Variants in TMEM154 observed in about 807,000 individuals in gnomAD.
TMEM154 encodes the protein transmembrane protein 154.
In TMEM154, 27 loss-of-function variants were observed where a neutral mutation model predicts 24.5. The ratio of observed to expected loss-of-function variants is 1.10; its 90% CI spans 0.81 to 1.52. The LOEUF (loss-of-function observed/expected upper bound fraction) is 1.52. Among genes scored for constraint, TMEM154 ranks in the 40% most tolerant of loss-of-function variants. The probability of loss-of-function intolerance (pLI) is 0.00; values close to 1 mark genes in which losing one functional copy is unlikely to be tolerated. For synonymous variants in TMEM154, 67 were observed against 76.8 expected (o/e 0.87, Z 0.67); for missense variants, 228 against 213.4 (o/e 1.07, Z -0.43).
intron 1 of TMEM154, chr4:152,668,341 A>G (rs903516949): frequency 4.6e-5 from 7 of 152,166 alleles, no homozygotes; most frequent in Admixed American, 3.9e-4. Flanking sequence ...GCCAAACTGA[A>G]TACTTTCCCA....
At chr4:152,665,781 G>T (rs1258065710) in intron 1 of TMEM154, among the ~76,000 whole-genome samples, 1 of 142,660 alleles carries the variant, frequency 7.0e-6, no homozygotes, top group East Asian at 2.0e-4. Context: ...GGGGGCCCAA[G>T]AATTTGCTTT....
intron 1 of TMEM154, among the ~76,000 whole-genome samples, chr4:152,677,127 C>CT (rs1728964709): frequency 6.6e-6 from 1 of 152,166 alleles, no homozygotes; most frequent in African/African-American, 2.4e-5. Flanking sequence ...CCAAGCTTTC[C>CT]TTTAACTATG....
intron 3 of TMEM154, chr4:152,647,247 C>T (rs1172520597): frequency 2.0e-6 from 2 of 985,008 alleles, no homozygotes; most frequent in African/African-American, 3.5e-5. Context: ...GTGCAGGTGT[C>T]CATGCTCTCC....
intron 1 of TMEM154, among the ~76,000 whole-genome samples, chr4:152,665,237 G>T (rs1728695552): frequency 6.6e-6 from 1 of 152,160 alleles, no homozygotes; most frequent in Non-Finnish European, 1.5e-5. Context: ...AATATTTAGG[G>T]GTAGAACCCA....
At chr4:152,649,809 A>G (rs1169818854) in intron 3 of TMEM154, among the ~76,000 whole-genome samples, 2 of 152,244 alleles carry the variant, frequency 1.3e-5, no homozygotes, top group Non-Finnish European at 2.9e-5. Flanking sequence ...AGCATCCCCC[A>G]GAAATATGCA....
rs1751960674 is a variant in TMEM154 at position 152,628,574 on chromosome 4, A to AC, written c.537-14_537-13insG. On this transcript the variant is annotated splice_polypyrimidine_tract_variant and intron_variant, in intron 6 of 6. Transcript: ENST00000304385. ...GGATTCACTGTCACTGTAAAAAAAA[A>AC]AAAAAAAAAAAAAAAAAACAAAAAA... 2 of 1,252,222 alleles carry AC rather than the reference A, an allele frequency of 1.6e-6. No individual in the cohort carries two copies. The highest frequency in any genetic ancestry group is 1.8e-5 in the African/African-American group (1 of 54,738). The allele number at this position is 1,252,222 out of a possible 1,614,324, so 77.6% of individuals were successfully genotyped here.
chr4:152,634,720 T>C lies in TMEM154; in HGVS notation c.537-6159A>G, dbSNP rs140463015. On this transcript the variant is annotated intron_variant, in intron 6 of 6. Coordinates refer to ENST00000304385, the MANE Select transcript of TMEM154 (RefSeq NM_152680.3). Reference sequence around the variant, plus strand: ...ATAATATTATTTGAGGTTATCATCCTGCAGGATTATAAACTGTTACTTTGT... The same window carrying C: ...ATAATATTATTTGAGGTTATCATCCCGCAGGATTATAAACTGTTACTTTGT... 5.3e-5 allele frequency among the ~76,000 whole-genome samples: 8 copies of C among 152,374 alleles called. No homozygotes were observed. In the East Asian group the frequency reaches 1.5e-3, roughly 29 times the overall value.
intron 6 of TMEM154, among the ~76,000 whole-genome samples, chr4:152,634,917 A>G (rs922622114): frequency 1.3e-5 from 2 of 152,238 alleles, no homozygotes; most frequent in African/African-American, 4.8e-5. Context: ...TCTCTAGATA[A>G]ACATTATAAT....
At position 152,621,754 on chromosome 4, in the gene TMEM154, A is replaced by G. The variant is rs1384471678; in HGVS notation, c.*6792T>C. ...GTGAGATGAGGTTAAAATTAAAGGCATGAAGAAAAGTGAGTAATCAGGAAA... is the reference window on the plus strand; with the variant it reads ...GTGAGATGAGGTTAAAATTAAAGGCGTGAAGAAAAGTGAGTAATCAGGAAA... On this transcript the variant is annotated 3_prime_UTR_variant, in exon 7 of 7. Coordinates refer to ENST00000304385, the MANE Select transcript of TMEM154 (RefSeq NM_152680.3). The G allele has an allele frequency of 6.6e-6, 1 of 152,202 alleles. No individual in the cohort carries two copies. The highest frequency in any genetic ancestry group is 1.5e-5 in the Non-Finnish European group (1 of 68,034). The allele number at this position is 152,202 out of a possible 1,614,324, so 9.4% of individuals were successfully genotyped here.
chr4:152,661,581 G>C (rs1470117424), intron 1 of TMEM154, among the ~76,000 whole-genome samples: 5 of 152,024 alleles, frequency 3.3e-5, no homozygotes, highest in Non-Finnish European at 5.9e-5. Flanking sequence ...ATTTCCTCAA[G>C]CATAGGTGAC....
Position 152,621,734 on chromosome 4 carries a change from A to T in TMEM154, c.*6812T>A, listed in dbSNP as rs191336449. ...CTTTCTTCTAATATCAAGGTGTGAG[A>T]TGAGGTTAAAATTAAAGGCATGAAG... On this transcript the variant is annotated 3_prime_UTR_variant, in exon 7 of 7. Transcript: ENST00000304385. 6.6e-6 allele frequency: 1 copy of T among 152,258 alleles called. No homozygotes were observed. The highest frequency in any genetic ancestry group is 6.5e-5 in the Admixed American group (1 of 15,294). The allele number at this position is 152,258 out of a possible 1,614,324, so 9.4% of individuals were successfully genotyped here.
intron 1 of TMEM154, among the ~76,000 whole-genome samples, chr4:152,658,055 CA>C (rs1429701483): frequency 6.6e-6 from 1 of 152,076 alleles, no homozygotes; most frequent in Non-Finnish European, 1.5e-5. Context: ...AAGCTCAACA[CA>C]TTTTTAAAAA....
chr4:152,642,983 G>A, intron 5 of TMEM154, 105 bp downstream of exon 5: 1 of 814,158 alleles, frequency 1.2e-6, no homozygotes, highest in Non-Finnish European at 2.0e-6. Flanking sequence ...TGTGGGATTG[G>A]GTTCTTCTGT....
At chr4:152,661,278 TTCTCTTTCTC>T (rs1404937546) in intron 1 of TMEM154, among the ~76,000 whole-genome samples, 16 of 65,746 alleles carry the variant, frequency 2.4e-4, no homozygotes, top group African/African-American at 6.1e-4. Flanking sequence ...CAAGGGATTG[TTCTCTTTCTC>T]TCTCTCTCTC....
intron 1 of TMEM154, among the ~76,000 whole-genome samples, chr4:152,672,610 T>G (rs987629304): frequency 2.0e-5 from 3 of 152,198 alleles, no homozygotes; most frequent in African/African-American, 7.2e-5. Flanking sequence ...GAATGGAATG[T>G]GAGAAACTGA....
chr4:152,661,299 T>TCC (rs1372312418), intron 1 of TMEM154, among the ~76,000 whole-genome samples: 2 of 91,350 alleles, frequency 2.2e-5, no homozygotes, highest in African/African-American at 8.7e-5. Flanking sequence ...TCTCTCTCTC[T>TCC]CTCTCTCTCT....
chr4:152,654,694 C>T (rs539027407), intron 1 of TMEM154, among the ~76,000 whole-genome samples: 78 of 152,082 alleles, frequency 5.1e-4, no homozygotes, highest in Non-Finnish European at 8.4e-4. Flanking sequence ...TATGTGGATA[C>T]GGAAAGGTGG....
At chr4:152,661,422 A>G (rs543373871) in intron 1 of TMEM154, among the ~76,000 whole-genome samples, 3 of 151,068 alleles carry the variant, frequency 2.0e-5, no homozygotes, top group South Asian at 4.2e-4. Flanking sequence ...GCTAGCTGCT[A>G]GGATACACAT....
chr4:152,679,707 C>T (rs375871208), intron 1 of TMEM154, 163 bp downstream of exon 1: 1 of 438,476 alleles, frequency 2.3e-6, no homozygotes, highest in Non-Finnish European at 3.0e-6. Flanking sequence ...GTCCCCTCTC[C>T]ATCCCACCCC....
Sources: gnomAD v4.1 joint callset for allele counts (sites outside exome capture counted in the v4.1 genomes callset) on GRCh38, gnomAD v4.1.1 for gene constraint, MANE v1.5 for transcripts, NCBI Gene and HGNC (gene_info 2026-07-23, HGNC 2026-07-21) for gene names.